Variants in GUCA1A observed in about 807,000 individuals in gnomAD.
GUCA1A encodes guanylate cyclase activator 1A, also known as guanylyl cyclase-activating protein 1.
GUCA1A carries 14 observed loss-of-function variants against 18.5 expected under a neutral mutation model. The observed-to-expected ratio is 0.76, with a 90% CI of 0.50 to 1.18. The LOEUF is 1.18. GUCA1A is among the 50% of genes most tolerant of loss of function. The pLI is 0.00. For missense variants in GUCA1A, 264 were observed against 262.4 expected, an observed-to-expected ratio of 1.01 and a Z score of -0.04; for synonymous variants, 97 against 100.2, an observed-to-expected ratio of 0.97 and a Z score of 0.19.
chr6:42,176,685 C>T (rs553516950), intron 1 of GUCA1A, among the ~76,000 whole-genome samples: 2 of 152,142 alleles, frequency 1.3e-5, no homozygotes, highest in African/African-American at 2.4e-5. Flanking sequence ...CCACCTGCCT[C>T]GGCCTCCCAA....
chr6:42,176,500 C>A (rs1487991105), intron 1 of GUCA1A, among the ~76,000 whole-genome samples: 1 of 152,174 alleles, frequency 6.6e-6, no homozygotes, highest in Non-Finnish European at 1.5e-5. Flanking sequence ...ATGGCACGAT[C>A]TCGGCTCACT....
Position 42,178,783 on chromosome 6 carries a change from G to GC in GUCA1A, c.352-15dup. The GC allele has an allele frequency of 6.3e-7, 1 of 1,578,826 alleles. No homozygotes were observed. The highest frequency in any genetic ancestry group is 8.7e-7 in the Non-Finnish European group (1 of 1,147,888). ...ATAAGGATGGGCCCCTCTCACTTCT[G>GC]CCCCTTCTTCCCTCCCAGGCCATTC... On this transcript the variant is annotated intron_variant, in intron 2 of 3. Transcript: ENST00000372958.
At chr6:42,178,539 G>C in intron 2 of GUCA1A, 110 bp downstream of exon 2, 1 of 1,096,190 alleles carries the variant, frequency 9.1e-7, no homozygotes, top group East Asian at 2.4e-5. Context: ...GTGGGACTGA[G>C]GATCCTGGTG....
chr6:42,174,840 G>C (rs76202396), intron 1 of GUCA1A, among the ~76,000 whole-genome samples: 2 of 152,272 alleles, frequency 1.3e-5, no homozygotes, highest in Non-Finnish European at 2.9e-5. Flanking sequence ...AGGCGCTGCC[G>C]CGTGTCCTCT....
intron 2 of GUCA1A, 63 bp downstream of exon 2, chr6:42,178,492 C>T: frequency 2.1e-6 from 3 of 1,426,200 alleles, no homozygotes; most frequent in Non-Finnish European, 3.0e-6. Flanking sequence ...ACTGAGAGCC[C>T]AGGGTTAGAA....
intron 1 of GUCA1A, among the ~76,000 whole-genome samples, chr6:42,176,265 T>G (rs1405597642): frequency 1.3e-5 from 2 of 151,804 alleles, no homozygotes; most frequent in Non-Finnish European, 2.9e-5. Flanking sequence ...AAATGAAGAG[T>G]GACTTTGTAA....
chr6:42,179,271 G>A lies in GUCA1A; in HGVS notation c.474G>A (p.Glu158=), dbSNP rs772253542. The A allele has an allele frequency of 3.1e-6, 5 of 1,613,822 alleles. No homozygotes were observed. In the Admixed American group the frequency reaches 6.7e-5, roughly 22 times the overall value. Residue 158 remains glutamate, a synonymous_variant, in exon 4 of 4, where the codon GAG becomes GAA. Transcript: ENST00000372958. ...DGELSLEEFI[E]GVQKDQMLLD... is the part of the protein sequence containing the mutation. ...AACTCTCCCTGGAAGAGTTTATAGA[G>A]GGCGTCCAGAAGGACCAGATGCTCC...
At position 42,173,717 on chromosome 6, in the gene GUCA1A, C is replaced by A; in HGVS notation, c.104C>A (p.Thr35Asn). The change falls in exon 1 of 4, where the codon ACC becomes AAC. Residue 35 changes from threonine (T) to asparagine (N), a missense_variant. By Grantham distance (65) the Thr-to-Asn change is moderately conservative (BLOSUM62 0). Coordinates refer to ENST00000372958, the MANE Select transcript of GUCA1A (RefSeq NM_001384910.1). ...FMTECPSGQL[T>N]LYEFRQFFGL... ...ACTGAGTGCCCCTCTGGCCAACTCA[C>A]CCTCTATGAGTTCCGCCAGTTCTTC... is the stretch of plus-strand genomic sequence containing the variant. 6.2e-7 allele frequency: 1 copy of A among 1,613,406 alleles called. No homozygotes were observed. The highest frequency in any genetic ancestry group is 8.5e-7 in the Non-Finnish European group (1 of 1,179,320).
chr6:42,175,169 A>T (rs1344719479), intron 1 of GUCA1A, among the ~76,000 whole-genome samples: 5 of 152,008 alleles, frequency 3.3e-5, no homozygotes, highest in Non-Finnish European at 7.4e-5. Context: ...GGAAGGACAA[A>T]TGGATGGTTG....
intron 1 of GUCA1A, 146 bp from the exon 2 acceptor site, chr6:42,178,134 C>T: frequency 2.1e-6 from 2 of 932,908 alleles, no homozygotes; most frequent in Non-Finnish European, 3.4e-6. Flanking sequence ...CTGGCCCCCT[C>T]GCTGCATCTC....
rs1237209080 is a variant in GUCA1A at position 42,178,835 on chromosome 6, A to G, written c.385A>G (p.Thr129Ala). The G allele has an allele frequency of 6.8e-6, 11 of 1,613,648 alleles. No individual in the cohort carries two copies. In the East Asian group the frequency reaches 1.8e-4, roughly 26 times the overall value. Residue 129 changes from threonine to alanine, a missense_variant, in exon 3 of 4, where the codon ACC becomes GCC. Thr to Ala is a moderately conservative substitution (Grantham distance 58). Transcript: ENST00000372958. ...CGCCATTAACCCCTGCAGCGATACC[A>G]CCATGACTGCAGAGGAGTTCACCGA... ...IRAINPCSDT[T>A]MTAEEFTDTV...
At chr6:42,174,161 A>AT (rs1562057240) in intron 1 of GUCA1A, among the ~76,000 whole-genome samples, 1 of 152,226 alleles carries the variant, frequency 6.6e-6, no homozygotes, top group Admixed American at 6.5e-5. Context: ...TGCCACAGGC[A>AT]TATCTTGGTT....
Position 42,178,797 on chromosome 6 carries a change from C to T in GUCA1A, c.352-5C>T, listed in dbSNP as rs774482968. 2.5e-6 allele frequency: 4 copies of T among 1,608,612 alleles called. No individual in the cohort carries two copies. The South Asian group carries it at 4.4e-5, about 18-fold the overall frequency. Reference sequence around the variant, plus strand: ...CTCTCACTTCTGCCCCTTCTTCCCTCCCAGGCCATTCGCGCCATTAACCCC... The same window carrying T: ...CTCTCACTTCTGCCCCTTCTTCCCTTCCAGGCCATTCGCGCCATTAACCCC... On this transcript the variant is annotated splice_polypyrimidine_tract_variant and splice_region_variant and intron_variant, in intron 2 of 3. Transcript: ENST00000372958.
At position 42,179,414 on chromosome 6, in the gene GUCA1A, C is replaced by T. The variant is rs965029730; in HGVS notation, c.*11C>T. On this transcript the variant is annotated 3_prime_UTR_variant, in exon 4 of 4. Coordinates refer to ENST00000372958, the MANE Select transcript of GUCA1A (RefSeq NM_001384910.1). ...GAGGCAGCCGGCTGAGTGCACCGCC[C>T]GGCTGCTTCTGCACTAGCGGGTGGG... is the stretch of plus-strand genomic sequence containing the variant. 14 of 1,572,496 alleles carry T rather than the reference C, an allele frequency of 8.9e-6. 1 individual carries two copies. The highest frequency in any genetic ancestry group is 2.3e-5 in the East Asian group (1 of 43,426).
Position 42,178,319 on chromosome 6 carries a change from A to AT in GUCA1A, c.241_242insT (p.Ser81MetfsTer20), listed in dbSNP as rs1768014218. The AT allele has an allele frequency of 6.2e-7, 1 of 1,614,082 alleles. No homozygotes were observed. The highest frequency in any genetic ancestry group is 8.5e-7 in the Non-Finnish European group (1 of 1,180,028). Reference sequence around the variant, plus strand: ...TTTCATGGAGTACGTGGCAGCGCTCAGCTTGGTCCTCAAGGGGAAGGTGGA... The same window carrying AT: ...TTTCATGGAGTACGTGGCAGCGCTCATGCTTGGTCCTCAAGGGGAAGGTGGA... On this transcript the variant is annotated frameshift_variant, in exon 2 of 4. Transcript: ENST00000372958. LOFTEE classifies it high-confidence loss of function.
chr6:42,178,405 C>T lies in GUCA1A; in HGVS notation c.327C>T (p.Arg109=). The part of the protein sequence containing the change: ...YDVDGNGCID[R]DELLTIIQAI... ...TAGATGGCAACGGCTGCATTGACCG[C>T]GATGAGCTGCTCACCATCATCCAGG... Residue 109 remains arginine, a synonymous_variant, in exon 2 of 4, where the codon CGC becomes CGT. Coordinates refer to ENST00000372958, the MANE Select transcript of GUCA1A (RefSeq NM_001384910.1). The T allele has an allele frequency of 6.2e-7, 1 of 1,614,016 alleles. No individual in the cohort carries two copies. The highest frequency in any genetic ancestry group is 8.5e-7 in the Non-Finnish European group (1 of 1,179,916).
rs1270658005 is a variant in GUCA1A, at chr6:42,178,396, C to T, written c.318C>T (p.Cys106=). ...TCTATGATGTAGATGGCAACGGCTG[C>T]ATTGACCGCGATGAGCTGCTCACCA... ...FKLYDVDGNG[C]IDRDELLTII... Residue 106 remains cysteine (C), a synonymous_variant, in exon 2 of 4, where the codon TGC becomes TGT. Coordinates refer to ENST00000372958, the MANE Select transcript of GUCA1A (RefSeq NM_001384910.1). 1 of 1,614,050 alleles carries T rather than the reference C, an allele frequency of 6.2e-7. No individual in the cohort carries two copies. The highest frequency in any genetic ancestry group is 2.2e-5 in the East Asian group (1 of 44,872).
chr6:42,176,398 G>C (rs940379231), intron 1 of GUCA1A, among the ~76,000 whole-genome samples: 1 of 151,496 alleles, frequency 6.6e-6, no homozygotes, highest in Non-Finnish European at 1.5e-5. Flanking sequence ...CACAGGATTG[G>C]GAAGTTTTTG....
intron 1 of GUCA1A, among the ~76,000 whole-genome samples, chr6:42,176,596 G>T (rs765586813): frequency 5.9e-5 from 9 of 152,008 alleles, no homozygotes; most frequent in Non-Finnish European, 1.2e-4. Context: ...ACCACGCCTG[G>T]CTAATTTTTG....
Sources: allele counts gnomAD v4.1 joint callset (sites outside exome capture counted in the v4.1 genomes callset), GRCh38; gene constraint gnomAD v4.1.1; transcripts MANE v1.5; gene names NCBI Gene and HGNC (gene_info 2026-07-23, HGNC 2026-07-21).